The following PEBP4 variants were observed in gnomAD, a reference collection of about 807,000 sequenced individuals.
PEBP4 encodes the protein phosphatidylethanolamine binding protein 4.
A neutral mutation model predicts 23.9 loss-of-function variants in PEBP4; 22 were observed. The observed-to-expected ratio is 0.92, with a 90% CI of 0.66 to 1.31. The LOEUF is 1.31. Among genes scored for constraint, PEBP4 ranks in the 40% most tolerant of loss-of-function variants. The pLI, the probability that PEBP4 is intolerant of heterozygous loss-of-function variation, is 0.00. For missense variants in PEBP4, 324 were observed against 281.7 expected (o/e 1.15, Z -1.07); for synonymous variants, 112 against 99.3 (o/e 1.13, Z -0.76).
rs1585313757 is a variant in PEBP4, at chr8:22,865,715, G to T, written c.259-47980C>A. ...CCCGCCGCCCGGATCCCAGAGGAAA[G>T]GGGAGAGGAATCTCCCCACCGGATC... On this transcript the variant is annotated intron_variant, in intron 3 of 6. Transcript: ENST00000256404. The surrounding 1 kb of genome is among the most constrained non-coding windows in gnomAD (Gnocchi z 6.9). Among the ~76,000 whole-genome samples, 2 of 152,248 alleles carry T rather than the reference G, an allele frequency of 1.3e-5. No individual in the cohort carries two copies. Among genetic ancestry groups the T allele is most frequent in the East Asian group, 3.9e-4 (2 of 5,170 alleles).
intron 4 of PEBP4, among the ~76,000 whole-genome samples, chr8:22,776,127 A>T (rs1805809581): frequency 6.6e-6 from 1 of 152,138 alleles, no homozygotes; most frequent in African/African-American, 2.4e-5. Context: ...ATACTTAGAA[A>T]GCCTCGTGAG....
intron 3 of PEBP4, among the ~76,000 whole-genome samples, chr8:22,853,140 A>G (rs1807580006): frequency 6.6e-6 from 1 of 152,242 alleles, no homozygotes; most frequent in African/African-American, 2.4e-5. Context: ...TGATTTCGGT[A>G]TGCGTAGAAC....
At position 22,763,974 on chromosome 8, in the gene PEBP4, G is replaced by A. The variant is rs146273569; in HGVS notation, c.358-36754C>T. Among the ~76,000 whole-genome samples, 11 of 152,292 alleles carry A rather than the reference G, an allele frequency of 7.2e-5. No individual in the cohort carries two copies. In the East Asian group the frequency reaches 1.7e-3, roughly 24 times the overall value. On this transcript the variant is annotated intron_variant, in intron 4 of 6. Transcript: ENST00000256404. ...TCAAGAGCCCATACTCCAGAAGGACGTGTAATTTGTCTTCGGAGCTTCTCT... is the reference window on the plus strand; with the variant it reads ...TCAAGAGCCCATACTCCAGAAGGACATGTAATTTGTCTTCGGAGCTTCTCT...
At chr8:22,891,240 A>C (rs1253004398) in intron 3 of PEBP4, among the ~76,000 whole-genome samples, 57 of 79,452 alleles carry the variant, frequency 7.2e-4, no homozygotes. Context: ...CACTTGCCAG[A>C]TGAATGAATG....
intron 4 of PEBP4, among the ~76,000 whole-genome samples, chr8:22,751,630 C>G (rs200451466): frequency 9.4e-5 from 13 of 137,648 alleles, no homozygotes; most frequent in African/African-American, 3.5e-4. Context: ...GTGTGTGTCT[C>G]TGTGTGTGTG....
intron 3 of PEBP4, among the ~76,000 whole-genome samples, chr8:22,867,564 C>G (rs6981626): frequency 2.0e-5 from 3 of 152,178 alleles, no homozygotes; most frequent in African/African-American, 7.2e-5. Flanking sequence ...CCTTTCCATG[C>G]TGGGGAACCC....
chr8:22,840,638 C>G (rs1807306403), intron 3 of PEBP4, among the ~76,000 whole-genome samples: 1 of 152,136 alleles, frequency 6.6e-6, no homozygotes, highest in Admixed American at 6.5e-5. Context: ...CCCACATGTT[C>G]CTCTTGGGTC....
intron 1 of PEBP4, among the ~76,000 whole-genome samples, chr8:22,938,940 C>T (rs1809574762): frequency 6.6e-6 from 1 of 152,212 alleles, no homozygotes; most frequent in South Asian, 2.1e-4. Context: ...CTATTCTGAC[C>T]TTTGGTTGTC....
At chr8:22,742,697 G>A (rs1446648831) in intron 4 of PEBP4, among the ~76,000 whole-genome samples, 3 of 152,214 alleles carry the variant, frequency 2.0e-5, no homozygotes, top group African/African-American at 7.2e-5. Flanking sequence ...CCTTGAGAAA[G>A]CAGCCAGGCC....
chr8:22,824,576 A>G (rs118181640), intron 3 of PEBP4, among the ~76,000 whole-genome samples: 3,361 of 152,292 alleles, frequency 0.022, 54 homozygotes, highest in South Asian at 0.045. Flanking sequence ...TTACATTATA[A>G]TCGATAATGA....
chr8:22,933,279 A>G (rs1187899057), intron 1 of PEBP4, among the ~76,000 whole-genome samples: 3 of 152,234 alleles, frequency 2.0e-5, no homozygotes, highest in Non-Finnish European at 4.4e-5. Context: ...CAAAGATTAC[A>G]GTTGAGACAT....
chr8:22,913,748 A>C (rs1416792083), intron 3 of PEBP4, among the ~76,000 whole-genome samples: 4 of 151,942 alleles, frequency 2.6e-5, no homozygotes, highest in Non-Finnish European at 5.9e-5. Context: ...TTTCCAGTCG[A>C]CCCCTCAACC....
chr8:22,794,222 A>G (rs999078316), intron 4 of PEBP4, among the ~76,000 whole-genome samples: 8 of 152,194 alleles, frequency 5.3e-5, no homozygotes, highest in African/African-American at 1.9e-4. Flanking sequence ...ACTGTATACT[A>G]GGTATTGTCC....
At chr8:22,895,703 G>C (rs1308434966) in intron 3 of PEBP4, 2 of 152,164 alleles carry the variant, frequency 1.3e-5, no homozygotes, top group East Asian at 1.9e-4. Context: ...TGGGTGCTCT[G>C]TTCTGTCCCC....
At chr8:22,900,675 T>C (rs557421039) in intron 3 of PEBP4, among the ~76,000 whole-genome samples, 3 of 150,156 alleles carry the variant, frequency 2.0e-5, no homozygotes, top group African/African-American at 7.4e-5. Flanking sequence ...AAAAAAGATA[T>C]CTTATTTCCT....
chr8:22,778,432 T>C (rs897823823), intron 4 of PEBP4, among the ~76,000 whole-genome samples: 1 of 151,716 alleles, frequency 6.6e-6, no homozygotes, highest in African/African-American at 2.4e-5. Flanking sequence ...TTGCCCCGGC[T>C]GGAGTGCAGT....
chr8:22,770,627 G>A (rs781411653), intron 4 of PEBP4, among the ~76,000 whole-genome samples: 2 of 152,154 alleles, frequency 1.3e-5, no homozygotes, highest in Non-Finnish European at 2.9e-5. Context: ...TTTCAATGTC[G>A]CCTGCTCATT....
At chr8:22,920,115 T>C in intron 3 of PEBP4, 69 bp downstream of exon 3, 2 of 1,563,476 alleles carry the variant, frequency 1.3e-6, no homozygotes, top group Non-Finnish European at 1.7e-6. Flanking sequence ...GTCACCCAGA[T>C]GAGCAAGCCT....
At chr8:22,714,394 A>G (rs1804371472) in intron 6 of PEBP4, among the ~76,000 whole-genome samples, 1 of 152,034 alleles carries the variant, frequency 6.6e-6, no homozygotes, top group South Asian at 2.1e-4. Flanking sequence ...AAAAGGCAGG[A>G]AGTAGTTTAA....
Sources: gnomAD v4.1 joint callset for allele counts (sites outside exome capture counted in the v4.1 genomes callset) on GRCh38, gnomAD v4.1.1 for gene constraint, Gnocchi (gnomAD v3.1) non-coding constraint, MANE v1.5 for transcripts, NCBI Gene and HGNC (gene_info 2026-07-23, HGNC 2026-07-21) for gene names.